The following DAAM1 variants were observed in gnomAD, a reference collection of about 807,000 sequenced individuals.
DAAM1 encodes the protein disheveled-associated activator of morphogenesis 1.
In DAAM1, 52 loss-of-function variants were observed where a neutral mutation model predicts 130.0. That is an observed-to-expected ratio of 0.40 (90% CI 0.32 to 0.50). DAAM1 has a LOEUF of 0.50. Among genes scored for constraint, DAAM1 ranks in the 20% least tolerant of loss-of-function variants. The pLI is 0.61. For synonymous variants in DAAM1, 452 were observed against 444.5 expected, an observed-to-expected ratio of 1.02 and a Z score of -0.21; for missense variants, 1,134 against 1,303.8, an observed-to-expected ratio of 0.87 and a Z score of 2.01.
intron 1 of DAAM1, among the ~76,000 whole-genome samples, chr14:59,229,903 G>A (rs1889050040): frequency 6.6e-6 from 1 of 152,170 alleles, no homozygotes; most frequent in Non-Finnish European, 1.5e-5. Flanking sequence ...TGAAGTGAAT[G>A]CCAAATAAGC....
At chr14:59,315,409 T>A in intron 4 of DAAM1, 58 bp downstream of exon 4, 1 of 1,493,280 alleles carries the variant, frequency 6.7e-7, no homozygotes, top group Non-Finnish European at 9.3e-7. Flanking sequence ...TAGTACAAAG[T>A]ACACAGTTGC....
intron 15 of DAAM1, among the ~76,000 whole-genome samples, chr14:59,337,213 TGAAAG>T (rs1045735855): frequency 2.6e-5 from 4 of 152,290 alleles, no homozygotes; most frequent in South Asian, 2.1e-4. Flanking sequence ...TTTTTGCCCT[TGAAAG>T]GAAACTGCTT....
At chr14:59,290,387 T>C (rs1883691820) in intron 2 of DAAM1, among the ~76,000 whole-genome samples, 1 of 152,218 alleles carries the variant, frequency 6.6e-6, no homozygotes, top group Non-Finnish European at 1.5e-5. Flanking sequence ...CACTATTTGC[T>C]AGGTGTGCAG....
At chr14:59,327,098 G>T in intron 12 of DAAM1, 107 bp downstream of exon 12, 2 of 1,264,664 alleles carry the variant, frequency 1.6e-6, no homozygotes, top group South Asian at 1.4e-5. Flanking sequence ...GCTTGGTGCA[G>T]GCAGCCTTTC....
At chr14:59,259,665 A>G (rs1415731289) in intron 1 of DAAM1, among the ~76,000 whole-genome samples, 1 of 152,148 alleles carries the variant, frequency 6.6e-6, no homozygotes, top group Non-Finnish European at 1.5e-5. Context: ...GACAAATATT[A>G]ACAGTTATAT....
At chr14:59,278,681 C>A (rs1421877684) in intron 2 of DAAM1, among the ~76,000 whole-genome samples, 1 of 151,986 alleles carries the variant, frequency 6.6e-6, no homozygotes. Flanking sequence ...TACAAAGGGA[C>A]CTTGGGGAAA....
chr14:59,346,995 C>G (rs1172714496), intron 16 of DAAM1, among the ~76,000 whole-genome samples: 1 of 151,582 alleles, frequency 6.6e-6, no homozygotes, highest in Non-Finnish European at 1.5e-5. Flanking sequence ...GGACAAATCA[C>G]TTGGCCATTC....
intron 2 of DAAM1, chr14:59,265,969 T>G (rs1364833448): frequency 6.6e-6 from 1 of 152,200 alleles, no homozygotes. Context: ...TAGAGACTGG[T>G]ACCACAAGTC....
At chr14:59,222,725 A>G (rs746265392) in intron 1 of DAAM1, among the ~76,000 whole-genome samples, 1 of 152,250 alleles carries the variant, frequency 6.6e-6, no homozygotes, top group African/African-American at 2.4e-5. Flanking sequence ...GCATTCACAT[A>G]GGAAACTAAT....
chr14:59,323,295 C>G, intron 6 of DAAM1, 70 bp downstream of exon 6: 1 of 1,434,928 alleles, frequency 7.0e-7, no homozygotes, highest in Non-Finnish European at 9.3e-7. Context: ...CTTTTCCTGT[C>G]CCTGAAAGGG....
Position 59,271,455 on chromosome 14 carries a change from T to C in DAAM1, c.183+7795T>C, listed in dbSNP as rs191353175. On this transcript the variant is annotated intron_variant, in intron 2 of 24. Transcript: ENST00000360909. Reference sequence around the variant, plus strand: ...GCAGGATTAGTCATCAGCATAGAATTTGAGAAATGAAGGTAGGAGAAATGA... The same window carrying C: ...GCAGGATTAGTCATCAGCATAGAATCTGAGAAATGAAGGTAGGAGAAATGA... Among the ~76,000 whole-genome samples the C allele has an allele frequency of 1.9e-4, 29 of 152,180 alleles. No individual in the cohort carries two copies. The East Asian group carries it at 5.4e-3, about 28-fold the overall frequency.
chr14:59,240,333 T>C (rs1285158322), intron 1 of DAAM1, among the ~76,000 whole-genome samples: 3 of 152,216 alleles, frequency 2.0e-5, no homozygotes, highest in Non-Finnish European at 4.4e-5. Flanking sequence ...AGGTCCCACA[T>C]AGTCTCTGAC....
intron 14 of DAAM1, 114 bp downstream of exon 14, chr14:59,331,622 C>A: frequency 6.6e-7 from 1 of 1,510,338 alleles, no homozygotes; most frequent in East Asian, 2.3e-5. Flanking sequence ...CTAATGTGGA[C>A]CAAGAGTTCT....
intron 3 of DAAM1, among the ~76,000 whole-genome samples, chr14:59,310,116 T>C (rs1884525163): frequency 6.7e-6 from 1 of 149,422 alleles, no homozygotes; most frequent in Non-Finnish European, 1.5e-5. Context: ...TTTTTCCTTT[T>C]TTTTTTTTTT....
At chr14:59,246,580 G>T (rs945329248) in intron 1 of DAAM1, among the ~76,000 whole-genome samples, 2 of 152,156 alleles carry the variant, frequency 1.3e-5, no homozygotes, top group Non-Finnish European at 2.9e-5. Flanking sequence ...AAGTATGGTT[G>T]CTGGAGCATG....
chr14:59,313,606 G>A (rs1433312769), intron 3 of DAAM1, among the ~76,000 whole-genome samples: 1 of 152,076 alleles, frequency 6.6e-6, no homozygotes, highest in Non-Finnish European at 1.5e-5. Context: ...CCCTACTTTG[G>A]GGGAATGGAG....
chr14:59,338,182 A>G (rs1241719823), intron 15 of DAAM1, among the ~76,000 whole-genome samples: 1 of 152,160 alleles, frequency 6.6e-6, no homozygotes, highest in Non-Finnish European at 1.5e-5. Context: ...TCTACCCTGA[A>G]TGCTTAGTAT....
chr14:59,313,109 C>A (rs1264420465), intron 3 of DAAM1, among the ~76,000 whole-genome samples: 1 of 152,214 alleles, frequency 6.6e-6, no homozygotes, highest in Non-Finnish European at 1.5e-5. Flanking sequence ...TTGCATTCAT[C>A]TCCTTCTGGC....
At position 59,370,152 on chromosome 14, in the gene DAAM1, T is replaced by TTTTTTTTTTTTTTTTTTTG; in HGVS notation, c.*1294_*1312dup. 1 of 18,040 alleles carries TTTTTTTTTTTTTTTTTTTG rather than the reference T, an allele frequency of 5.5e-5. No homozygotes were observed. The highest frequency in any genetic ancestry group is 1.0e-4 in the Non-Finnish European group (1 of 9,782). The allele number at this position is 18,040 out of a possible 1,614,324, so 1.1% of individuals were successfully genotyped here. A position where few individuals can be genotyped will look rare whatever the true frequency, so the allele number is the denominator to read the frequency against. On this transcript the variant is annotated 3_prime_UTR_variant, in exon 25 of 25. Transcript: ENST00000360909. ...GGACTGTTACTTTTTTACTTTTTTTTTTTTTTTTTTTTTTTTTTGGCTTTG... is the reference window on the plus strand; with the variant it reads ...GGACTGTTACTTTTTTACTTTTTTTTTTTTTTTTTTTTTTTTTTGTTTTTTTTTTTTTTTTTTGGCTTTG...
Sources: gnomAD v4.1 joint callset for allele counts (sites outside exome capture counted in the v4.1 genomes callset) on GRCh38, gnomAD v4.1.1 for gene constraint, MANE v1.5 for transcripts, NCBI Gene and HGNC (gene_info 2026-07-23, HGNC 2026-07-21) for gene names.